OFD1: variants seen among roughly 807,000 people sequenced by gnomAD.
OFD1 encodes OFD1 centriole and centriolar satellite protein.
In OFD1, 12 loss-of-function variants were observed where a neutral mutation model predicts 81.4. That is an observed-to-expected ratio of 0.15 (90% CI 0.09 to 0.24). The LOEUF (loss-of-function observed/expected upper bound fraction) is 0.24. OFD1 is among the 10% of genes least tolerant of loss of function. The pLI is 1.00. For missense variants in OFD1, 685 were observed against 733.9 expected (o/e 0.93, Z 0.77); for synonymous variants, 256 against 263.7 (o/e 0.97, Z 0.28).
At chrX:13,722,017 G>A in the OFD1 span, 67 of 109,289 alleles carry the variant, frequency 6.1e-4, 1 homozygote, top group African/African-American at 2.1e-3. Flanking sequence ...ACAAAGACGA[G>A]CTGGAATGAT....
intron 8 of OFD1, among the ~76,000 whole-genome samples, chrX:13,748,844 T>G (rs1252571166): frequency 9.0e-6 from 1 of 111,155 alleles, no homozygotes. Flanking sequence ...GGGCGCCAGG[T>G]GTGGTGGCTC....
intron 10 of OFD1, chrX:13,752,962 T>TG: frequency 1.1e-6 from 1 of 903,411 alleles, no homozygotes; most frequent in Non-Finnish European, 1.4e-6. Flanking sequence ...TTACCTTGGT[T>TG]GGGGGTGGGC....
intron 10 of OFD1, among the ~76,000 whole-genome samples, chrX:13,752,031 A>T (rs141075729): frequency 8.9e-6 from 1 of 112,063 alleles, no homozygotes; most frequent in Non-Finnish European, 1.9e-5. Flanking sequence ...TCACTCATAC[A>T]GTCAGAAGGA....
At chrX:13,737,250 TTG>T (rs1491146861) in intron 3 of OFD1, among the ~76,000 whole-genome samples, 2 of 104,906 alleles carry the variant, frequency 1.9e-5, no homozygotes, top group African/African-American at 7.4e-5. Flanking sequence ...TTAAAAACAC[TTG>T]TTTTTTTTTT....
downstream of OFD1, among the ~76,000 whole-genome samples, chrX:13,770,570 T>C (rs2048278012): frequency 3.6e-5 from 4 of 112,608 alleles, no homozygotes; most frequent in South Asian, 1.5e-3. Context: ...AATCTTTCAA[T>C]AGACTTTTGT....
chrX:13,740,707 C>T (rs913168165), intron 5 of OFD1, among the ~76,000 whole-genome samples: 9 of 108,327 alleles, frequency 8.3e-5, no homozygotes, highest in Middle Eastern at 4.6e-3. Context: ...GCAGGAGAAT[C>T]GCTTGAACCA....
chrX:13,751,180 G>T, intron 9 of OFD1, 69 bp from the exon 10 acceptor site: 1 of 1,076,885 alleles, frequency 9.3e-7, no homozygotes, highest in African/African-American at 1.8e-5. Context: ...AGACACATGT[G>T]ATTTTTTCCT....
the OFD1 span, among the ~76,000 whole-genome samples, chrX:13,729,203 C>A: frequency 9.0e-6 from 1 of 111,646 alleles, no homozygotes; most frequent in East Asian, 2.8e-4. Flanking sequence ...ACTGCCATCC[C>A]CATCAAGCTA....
In OFD1 at chrX:13,738,867, T is replaced by C; in HGVS notation, c.334T>C (p.Leu112=). 1.7e-6 allele frequency: 2 copies of C among 1,181,963 alleles called. No individual in the cohort carries two copies. The highest frequency in any genetic ancestry group is 2.3e-6 in the Non-Finnish European group (2 of 869,627). ...TAAGGTATTTACTATGCAGGATCTATTACAACTCATTAAAATCAACCCTAC... is the reference window on the plus strand; with the variant it reads ...TAAGGTATTTACTATGCAGGATCTACTACAACTCATTAAAATCAACCCTAC... ...KEKVFTMQDL[L]QLIKINPTSS... The change falls in exon 4 of 23, where the codon TTA becomes CTA. Residue 112 remains leucine, a synonymous_variant. Transcript: ENST00000340096.
At chrX:13,773,159 A>ACTAGCAGAGCTGTCAGATCC, downstream of OFD1, 1 of 501,636 alleles carries the variant, frequency 2.0e-6, no homozygotes, top group Non-Finnish European at 3.2e-6. Context: ...TACTCGCTCT[A>ACTAGCAGAGCTGTCAGATCC]CTAGCAGAGC....
chrX:13,734,170 G>T (rs192390430), upstream of OFD1: 1,121 of 499,916 alleles, frequency 2.2e-3, 7 homozygotes, highest in African/African-American at 0.023. Context: ...TGTCACACTT[G>T]GGGGAGAAGG....
upstream of OFD1, among the ~76,000 whole-genome samples, chrX:13,729,782 C>T (rs1393769077): frequency 9.0e-6 from 1 of 111,316 alleles, no homozygotes; most frequent in Non-Finnish European, 1.9e-5. Flanking sequence ...GTGGCACATG[C>T]CTGTAATCCC....
Position 13,735,065 on chromosome X carries a change from A to G in OFD1, c.-7A>G, listed in dbSNP as rs1279934241. 1 of 1,193,831 alleles carries G rather than the reference A, an allele frequency of 8.4e-7. No homozygotes were observed. The highest frequency in any genetic ancestry group is 2.2e-5 in the Admixed American group (1 of 45,557). ...GCGAGGCGGGCTCCGGAGGGAGCTGACGCCTGATGATGGCGCAGGTAGACA... is the reference window on the plus strand; with the variant it reads ...GCGAGGCGGGCTCCGGAGGGAGCTGGCGCCTGATGATGGCGCAGGTAGACA... On this transcript the variant is annotated 5_prime_UTR_variant, in exon 1 of 23. Coordinates refer to ENST00000340096, the MANE Select transcript of OFD1 (RefSeq NM_003611.3).
intron 16 of OFD1, 38 bp downstream of exon 16, chrX:13,760,758 A>G: frequency 1.1e-5 from 13 of 1,207,463 alleles, no homozygotes; most frequent in Non-Finnish European, 1.5e-5. Context: ...GGTGCTCTGG[A>G]GTTGGGTAGC....
chrX:13,735,469 A>AT (rs2046823474), intron 2 of OFD1, 123 bp downstream of exon 2: 6 of 546,996 alleles, frequency 1.1e-5, no homozygotes, highest in Admixed American at 2.6e-5. Flanking sequence ...GGTGAATTAC[A>AT]TTTTTATATT....
intron 2 of OFD1, chrX:13,736,273 C>G (rs2046861059): frequency 1.9e-6 from 2 of 1,050,053 alleles, no homozygotes; most frequent in Non-Finnish European, 2.4e-6. Context: ...TTTCTAGAAC[C>G]CACTGGACTG....
chrX:13,724,826 G>A, the OFD1 span, among the ~76,000 whole-genome samples: 9 of 112,544 alleles, frequency 8.0e-5, no homozygotes, highest in East Asian at 2.8e-4. Context: ...GCAAGGGGTC[G>A]GGGGATTTCC....
chrX:13,749,390 T>C (rs2047420034), intron 8 of OFD1, 37 bp from the exon 9 acceptor site: 3 of 900,311 alleles, frequency 3.3e-6, no homozygotes. Context: ...TTGCTTTCAT[T>C]AGCTTGCTTG....
downstream of OFD1, among the ~76,000 whole-genome samples, chrX:13,769,643 A>C (rs866641528): frequency 1.8e-5 from 2 of 110,349 alleles, no homozygotes; most frequent in Non-Finnish European, 3.8e-5. Context: ...TGGAATTTAA[A>C]CCCCCCCGTG....
Sources: allele counts gnomAD v4.1 joint callset (sites outside exome capture counted in the v4.1 genomes callset), GRCh38; gene constraint gnomAD v4.1.1; transcripts MANE v1.5; gene names NCBI Gene and HGNC (gene_info 2026-07-23, HGNC 2026-07-21).